GPAM: variants seen among roughly 807,000 people sequenced by gnomAD.
GPAM encodes glycerol-3-phosphate acyltransferase 1, mitochondrial.
GPAM carries 56 observed loss-of-function variants against 105.0 expected under a neutral mutation model. That is an observed-to-expected ratio of 0.53 (90% CI 0.43 to 0.67). The LOEUF (loss-of-function observed/expected upper bound fraction) is 0.67, where lower values mean the gene tolerates loss of function less well. Among genes scored for constraint, GPAM ranks in the 30% least tolerant of loss-of-function variants. The pLI is 0.00. For synonymous variants in GPAM, 368 were observed against 354.4 expected (o/e 1.04, Z -0.43); for missense variants, 855 against 989.8 (o/e 0.86, Z 1.83).
intron 20 of GPAM, 63 bp downstream of exon 20, chr10:112,155,801 C>T: frequency 9.5e-7 from 1 of 1,053,026 alleles, no homozygotes; most frequent in Non-Finnish European, 1.4e-6. Flanking sequence ...CTACAATTAG[C>T]AAATTTCTGA....
Position 112,175,591 on chromosome 10 carries a change from C to G in GPAM, c.413+9G>C, listed in dbSNP as rs767080113. 2.0e-6 allele frequency: 3 copies of G among 1,471,074 alleles called. No homozygotes were observed. Among genetic ancestry groups the G allele is most frequent in the Non-Finnish European group, 2.9e-6 (3 of 1,049,156 alleles). 91.1% of individuals were successfully genotyped at this position (1,471,074 alleles called of 1,614,324 possible). A position where few individuals can be genotyped will look rare whatever the true frequency, so the allele number is the denominator to read the frequency against. ...CTCTTCCCACCTTTACACCTTGCCC[C>G]GCCCTTACCTACTGCTGTTCAGCAC... On this transcript the variant is annotated intron_variant, in intron 6 of 21. Coordinates refer to ENST00000348367, the MANE Select transcript of GPAM (RefSeq NM_001244949.2).
At chr10:112,198,932 T>G (rs1394074887) in intron 1 of GPAM, among the ~76,000 whole-genome samples, 1 of 151,998 alleles carries the variant, frequency 6.6e-6, no homozygotes. Flanking sequence ...TTTGTTTTTT[T>G]TTTTGTTTTG....
chr10:112,159,825 T>C (rs1343288859), intron 17 of GPAM, 86 bp downstream of exon 17: 2 of 1,304,924 alleles, frequency 1.5e-6, no homozygotes, highest in African/African-American at 1.4e-5. Context: ...GGTCAAACAT[T>C]ATCTAACAGA....
chr10:112,187,981 C>G (rs1056523097), upstream of GPAM, among the ~76,000 whole-genome samples: 11 of 151,894 alleles, frequency 7.2e-5, no homozygotes, highest in African/African-American at 2.7e-4. Context: ...TTTGTAAGTA[C>G]CTTGAACTAA....
the GPAM span, among the ~76,000 whole-genome samples, chr10:112,221,570 T>C: frequency 6.6e-6 from 1 of 152,160 alleles, no homozygotes; most frequent in Non-Finnish European, 1.5e-5. Context: ...CTGAAGAACC[T>C]TGAGTATAAG....
At chr10:112,203,954 C>G (rs1388770418) in intron 1 of GPAM, among the ~76,000 whole-genome samples, 4 of 152,158 alleles carry the variant, frequency 2.6e-5, no homozygotes, top group Non-Finnish European at 2.9e-5. Context: ...CAGCTTCAAA[C>G]TCCCTCACCC....
chr10:112,218,371 C>G (rs1025317509), upstream of GPAM, among the ~76,000 whole-genome samples: 1 of 152,160 alleles, frequency 6.6e-6, no homozygotes, highest in Non-Finnish European at 1.5e-5. Context: ...GAGAGGACTT[C>G]ACTGAAGGCT....
chr10:112,151,273 T>C lies in GPAM; in HGVS notation c.*2277A>G. The C allele has an allele frequency of 1.0e-6, 1 of 985,816 alleles. No homozygotes were observed. Among genetic ancestry groups the C allele is most frequent in the Non-Finnish European group, 1.2e-6 (1 of 829,874 alleles). The allele number at this position is 985,816 out of a possible 1,614,324, so 61.1% of individuals were successfully genotyped here. On this transcript the variant is annotated 3_prime_UTR_variant, in exon 22 of 22. Coordinates refer to ENST00000348367, the MANE Select transcript of GPAM (RefSeq NM_001244949.2). ...ACTGTTGGAAAACAATGAGAATGTA[T>C]CTTTTAGCAAAACGGTGCTATCTGG...
At chr10:112,189,752 C>T (rs1376699033) in intron 1 of GPAM, among the ~76,000 whole-genome samples, 1 of 152,196 alleles carries the variant, frequency 6.6e-6, no homozygotes, top group Non-Finnish European at 1.5e-5. Context: ...GCTGGCACCG[C>T]TTCCTTTTCC....
the GPAM span, among the ~76,000 whole-genome samples, chr10:112,223,345 A>G: frequency 6.6e-6 from 1 of 152,204 alleles, no homozygotes; most frequent in Non-Finnish European, 1.5e-5. Context: ...ACAACCAGGG[A>G]TTTCCAAGCT....
upstream of GPAM, among the ~76,000 whole-genome samples, chr10:112,185,612 ACAC>A (rs1847586161): frequency 7.4e-6 from 1 of 135,722 alleles, no homozygotes; most frequent in Non-Finnish European, 1.6e-5. Flanking sequence ...ACACACACAC[ACAC>A]AGGATTAATA....
chr10:112,180,327 T>TTTCAA, intron 4 of GPAM, 146 bp downstream of exon 4: 2 of 732,042 alleles, frequency 2.7e-6, no homozygotes, highest in Non-Finnish European at 4.7e-6. Context: ...AGAAAAAGTG[T>TTTCAA]GTCAACATCT....
chr10:112,150,487 A>G lies in GPAM; in HGVS notation c.*3063T>C. 2.0e-6 allele frequency: 2 copies of G among 985,224 alleles called. No homozygotes were observed. Among genetic ancestry groups the G allele is most frequent in the Non-Finnish European group, 1.2e-6 (1 of 829,386 alleles). 61.0% of individuals were successfully genotyped at this position (985,224 alleles called of 1,614,324 possible). ...GAAATACACATCTATTCAACGCCAC[A>G]CTGGACGTTACAAAATGCATGCATA... On this transcript the variant is annotated 3_prime_UTR_variant, in exon 22 of 22. Coordinates refer to ENST00000348367, the MANE Select transcript of GPAM (RefSeq NM_001244949.2).
rs751827444 is a variant in GPAM, at chr10:112,163,852, C to T, written c.1308-36G>A. 21 of 950,430 alleles carry T rather than the reference C, an allele frequency of 2.2e-5. No homozygotes were observed. The East Asian group carries it at 5.0e-4, about 23-fold the overall frequency. The allele number at this position is 950,430 out of a possible 1,614,324, so 58.9% of individuals were successfully genotyped here. A position where few individuals can be genotyped will look rare whatever the true frequency, so the allele number is the denominator to read the frequency against. Reference sequence around the variant, plus strand: ...TTTCAAAAATCAACACACAACCGCACTCTTTTACAAGGCAAACCATGTGGA... The same window carrying T: ...TTTCAAAAATCAACACACAACCGCATTCTTTTACAAGGCAAACCATGTGGA... On this transcript the variant is annotated intron_variant, in intron 13 of 21. Coordinates refer to ENST00000348367, the MANE Select transcript of GPAM (RefSeq NM_001244949.2).
rs1846935119 is a variant in GPAM at position 112,152,372 on chromosome 10, T to G, written c.*1178A>C. On this transcript the variant is annotated 3_prime_UTR_variant, in exon 22 of 22. Coordinates refer to ENST00000348367, the MANE Select transcript of GPAM (RefSeq NM_001244949.2). ...CATAATTATTTACCACTATGTGGCATAAGGGTTTAGGCATATAACCCATAA... is the reference window on the plus strand; with the variant it reads ...CATAATTATTTACCACTATGTGGCAGAAGGGTTTAGGCATATAACCCATAA... 2 of 984,842 alleles carry G rather than the reference T, an allele frequency of 2.0e-6. No individual in the cohort carries two copies. Among genetic ancestry groups the G allele is most frequent in the African/African-American group, 3.5e-5 (2 of 57,232 alleles). 61.0% of individuals were successfully genotyped at this position (984,842 alleles called of 1,614,324 possible).
intron 9 of GPAM, 139 bp from the exon 10 acceptor site, chr10:112,169,091 A>T (rs1404660409): frequency 1.6e-6 from 1 of 641,404 alleles, no homozygotes; most frequent in Non-Finnish European, 2.8e-6. Flanking sequence ...AAATGCAGGC[A>T]TTTTTTTCAT....
upstream of GPAM, among the ~76,000 whole-genome samples, chr10:112,186,696 G>A (rs534857362): frequency 1.3e-5 from 2 of 151,894 alleles, no homozygotes; most frequent in Non-Finnish European, 2.9e-5. Context: ...ACAGGCACCC[G>A]CCACAACGCC....
chr10:112,221,178 C>T, the GPAM span, among the ~76,000 whole-genome samples: 1 of 152,160 alleles, frequency 6.6e-6, no homozygotes, highest in Non-Finnish European at 1.5e-5. Context: ...ATATGAAATA[C>T]TGTACAAGCC....
At chr10:112,194,248 C>T (rs905332537) in intron 1 of GPAM, among the ~76,000 whole-genome samples, 1 of 152,082 alleles carries the variant, frequency 6.6e-6, no homozygotes, top group Non-Finnish European at 1.5e-5. Flanking sequence ...CCATGTGTCC[C>T]GGATAACTAA....
Sources: gnomAD v4.1 joint callset for allele counts (sites outside exome capture counted in the v4.1 genomes callset) on GRCh38, gnomAD v4.1.1 for gene constraint, MANE v1.5 for transcripts, NCBI Gene and HGNC (gene_info 2026-07-23, HGNC 2026-07-21) for gene names.